RUVBL1: variants seen among roughly 807,000 people sequenced by gnomAD.
RUVBL1 encodes RuvB like AAA ATPase 1.
In RUVBL1, 4 loss-of-function variants were observed where a neutral mutation model predicts 52.4. The observed-to-expected ratio is 0.08, with a 90% confidence interval of 0.04 to 0.17. RUVBL1 has a LOEUF of 0.17. Ranked by LOEUF, RUVBL1 falls within the 10% of genes least tolerant of loss-of-function variation. The probability of loss-of-function intolerance (pLI) is 1.00; values close to 1 mark genes in which losing one functional copy is unlikely to be tolerated. For missense variants in RUVBL1, 298 were observed against 572.8 expected (o/e 0.52, Z 4.90); for synonymous variants, 217 against 214.4 (o/e 1.01, Z -0.10).
At chr3:128,153,817 A>G (rs1559844821) in exon 1 of RUVBL1, 2 of 1,510,336 alleles carry the variant, frequency 1.3e-6, no homozygotes, top group South Asian at 2.4e-5. Flanking sequence ...CCGGACCATC[A>G]TCGGCGGTGA....
intron 8 of RUVBL1, among the ~76,000 whole-genome samples, chr3:128,090,088 C>T (rs1336710148): frequency 2.0e-5 from 3 of 151,976 alleles, no homozygotes; most frequent in Non-Finnish European, 4.4e-5. Flanking sequence ...GATGGTCATG[C>T]CACCCTGTGA....
In RUVBL1 at chr3:128,150,798, T is replaced by TTATATATTCTA. The variant is rs1436843332; in HGVS notation, c.-40+2394_-40+2404dup. Among the ~76,000 whole-genome samples, 11 of 78,438 alleles carry TTATATATTCTA rather than the reference T, an allele frequency of 1.4e-4. 1 individual carries two copies. The highest frequency in any genetic ancestry group is 6.2e-4 in the East Asian group (2 of 3,228). 51.5% of individuals were successfully genotyped at this position (78,438 alleles called of 152,430 possible). On this transcript the variant is annotated intron_variant, in intron 1 of 9. Coordinates refer to the RUVBL1 transcript ENST00000464873. Reference sequence around the variant, plus strand: ...ATATATTCTATATATATTCTATATATTATATATTCTATATATTATATATTC... The same window carrying TTATATATTCTA: ...ATATATTCTATATATATTCTATATATTATATATTCTATATATATTCTATATATTATATATTC...
intron 6 of RUVBL1, 122 bp downstream of exon 6, chr3:128,100,473 T>G: frequency 8.4e-7 from 1 of 1,185,482 alleles, no homozygotes; most frequent in East Asian, 2.6e-5. Context: ...TGCTGAACAT[T>G]ACAGATAGAA....
intron 3 of RUVBL1, 31 bp downstream of exon 3, chr3:128,112,857 C>T (rs761380620): frequency 1.2e-6 from 2 of 1,608,150 alleles, no homozygotes; most frequent in Admixed American, 1.7e-5. Flanking sequence ...GAAGTGAGAC[C>T]AACTCCTCCC....
At chr3:128,108,561 C>A (rs547966596) in intron 3 of RUVBL1, among the ~76,000 whole-genome samples, 13 of 152,092 alleles carry the variant, frequency 8.5e-5, no homozygotes, top group African/African-American at 3.1e-4. Context: ...GGACCAGACA[C>A]GGTGGTTCAC....
chr3:128,093,458 A>C (rs931124939), intron 8 of RUVBL1, among the ~76,000 whole-genome samples: 6 of 151,480 alleles, frequency 4.0e-5, no homozygotes, highest in Admixed American at 6.6e-5. Context: ...ACAAAAAAAA[A>C]CTGTATTTTA....
At position 128,067,023 on chromosome 3, in the gene RUVBL1, C is replaced by T; in HGVS notation, c.940-1803G>A. ...CCAGTACAACACCTATCCCATCAAGCTCTTCTATACGTCCAACATCCCCAT... is the reference window on the plus strand; with the variant it reads ...CCAGTACAACACCTATCCCATCAAGTTCTTCTATACGTCCAACATCCCCAT... On this transcript the variant is annotated intron_variant, in intron 9 of 9. Coordinates refer to the RUVBL1 transcript ENST00000464873. This position sits in a 1 kb window ranked among gnomAD's most constrained non-coding sequence, Gnocchi z 4.1. 6.2e-7 allele frequency: 1 copy of T among 1,614,216 alleles called. No homozygotes were observed. The highest frequency in any genetic ancestry group is 8.5e-7 in the Non-Finnish European group (1 of 1,180,042).
chr3:128,104,717 A>T, intron 4 of RUVBL1, 56 bp downstream of exon 4: 1 of 1,507,206 alleles, frequency 6.6e-7, no homozygotes, highest in Non-Finnish European at 9.0e-7. Flanking sequence ...CCACCTGCCC[A>T]AAGCCACACA....
chr3:128,151,151 CTATA>C (rs1199980127), intron 1 of RUVBL1, among the ~76,000 whole-genome samples: 1 of 122,836 alleles, frequency 8.1e-6, no homozygotes, highest in Admixed American at 1.0e-4. Context: ...TCTATATATT[CTATA>C]TATATTCTAT....
At chr3:128,133,128 G>T (rs1239173491) in intron 1 of RUVBL1, among the ~76,000 whole-genome samples, 1 of 152,140 alleles carries the variant, frequency 6.6e-6, no homozygotes, top group Non-Finnish European at 1.5e-5. Context: ...GCCTGGGTTG[G>T]TTGTGACCAC....
At chr3:128,072,301 G>A (rs1017142380) in intron 9 of RUVBL1, among the ~76,000 whole-genome samples, 1 of 152,260 alleles carries the variant, frequency 6.6e-6, no homozygotes, top group Non-Finnish European at 1.5e-5. Context: ...CCTGGGCCTG[G>A]TGCTTCCTCA....
intron 8 of RUVBL1, among the ~76,000 whole-genome samples, chr3:128,092,365 G>A (rs954335682): frequency 1.3e-5 from 2 of 151,768 alleles, no homozygotes; most frequent in African/African-American, 2.4e-5. Context: ...GGACTTCACT[G>A]AAATTTAAAA....
intron 1 of RUVBL1, among the ~76,000 whole-genome samples, chr3:128,135,648 A>T (rs748577584): frequency 5.3e-5 from 8 of 152,262 alleles, no homozygotes; most frequent in African/African-American, 9.6e-5. Flanking sequence ...TCTTAGACAA[A>T]CAAGGGCTGA....
intron 1 of RUVBL1, among the ~76,000 whole-genome samples, chr3:128,151,401 G>A (rs968161801): frequency 1.3e-5 from 2 of 151,382 alleles, no homozygotes; most frequent in African/African-American, 4.9e-5. Context: ...TCAGGATTCT[G>A]TTTAAAACAG....
intron 3 of RUVBL1, 72 bp downstream of exon 3, chr3:128,112,816 C>T (rs2107707118): frequency 1.9e-6 from 3 of 1,548,696 alleles, no homozygotes; most frequent in Admixed American, 1.9e-5. Context: ...GGCATCTTCA[C>T]CACAAAGAGG....
At chr3:128,069,580 C>G in intron 9 of RUVBL1, 1 of 1,614,126 alleles carries the variant, frequency 6.2e-7, no homozygotes, top group Non-Finnish European at 8.5e-7. Context: ...ATCCTGCTCG[C>G]AGTCACAATC....
At chr3:128,124,051 G>T (rs867131335), upstream of RUVBL1, among the ~76,000 whole-genome samples, 1 of 152,180 alleles carries the variant, frequency 6.6e-6, no homozygotes, top group Non-Finnish European at 1.5e-5. Flanking sequence ...CGTTGCACGA[G>T]GCAGTGGCCC....
chr3:128,096,144 C>T (rs1331399813), intron 8 of RUVBL1, among the ~76,000 whole-genome samples: 1 of 152,202 alleles, frequency 6.6e-6, no homozygotes, highest in Non-Finnish European at 1.5e-5. Flanking sequence ...CCCCACACTA[C>T]TCTATTGCAG....
At chr3:128,143,084 C>A (rs941985303) in intron 1 of RUVBL1, among the ~76,000 whole-genome samples, 3 of 151,268 alleles carry the variant, frequency 2.0e-5, no homozygotes, top group African/African-American at 7.3e-5. Context: ...CCCAGACCCT[C>A]CTGCCACTCT....
Sources: gnomAD v4.1 joint callset for allele counts (sites outside exome capture counted in the v4.1 genomes callset) on GRCh38, gnomAD v4.1.1 for gene constraint, Gnocchi (gnomAD v3.1) non-coding constraint, MANE v1.5 for transcripts, NCBI Gene and HGNC (gene_info 2026-07-23, HGNC 2026-07-21) for gene names.